TBC1D1: variants seen among roughly 807,000 people sequenced by gnomAD.
TBC1D1 encodes the protein TBC1 domain family member 1.
In TBC1D1, 89 loss-of-function variants were observed where a neutral mutation model predicts 125.6. The ratio of observed to expected loss-of-function variants is 0.71; its 90% CI spans 0.60 to 0.85. The LOEUF (loss-of-function observed/expected upper bound fraction) is 0.85. TBC1D1 is among the 40% of genes least tolerant of loss of function. TBC1D1 has a pLI of 0.00. For missense variants in TBC1D1, 1,377 were observed against 1,469.2 expected, an observed-to-expected ratio of 0.94 and a Z score of 1.03; for synonymous variants, 565 against 564.1, an observed-to-expected ratio of 1.00 and a Z score of -0.02.
intron 15 of TBC1D1, among the ~76,000 whole-genome samples, chr4:38,105,755 C>T (rs1297276386): frequency 6.6e-6 from 1 of 152,150 alleles, no homozygotes; most frequent in Non-Finnish European, 1.5e-5. Context: ...CATGTTGCTG[C>T]AAAGGACATG....
intron 1 of TBC1D1, among the ~76,000 whole-genome samples, chr4:37,899,532 A>G (rs3860064): frequency 0.2 from 29,741 of 151,814 alleles, 3,380 homozygotes; most frequent in Middle Eastern, 0.28. Flanking sequence ...TAAGTGACTG[A>G]AGCTCTCCGG....
chr4:37,925,483 C>T (rs67777605), intron 2 of TBC1D1, among the ~76,000 whole-genome samples: 4,934 of 152,008 alleles, frequency 0.032, 95 homozygotes, highest in Non-Finnish European at 0.044. Flanking sequence ...TTCGGGAGGT[C>T]GAGGTGGGGG....
chr4:37,895,986 G>A (rs1714484200), intron 1 of TBC1D1, among the ~76,000 whole-genome samples: 1 of 152,140 alleles, frequency 6.6e-6, no homozygotes, highest in Admixed American at 6.5e-5. Context: ...CTACTGCATG[G>A]GATTAGAGTA....
At chr4:38,125,186 C>T (rs1764447648) in intron 18 of TBC1D1, 55 bp downstream of exon 20, 1 of 1,545,716 alleles carries the variant, frequency 6.5e-7, no homozygotes, top group Admixed American at 1.7e-5. Context: ...TATGTAGAAA[C>T]TTAAATCTCT....
At chr4:37,896,277 G>A (rs1368760939) in intron 1 of TBC1D1, among the ~76,000 whole-genome samples, 1 of 152,114 alleles carries the variant, frequency 6.6e-6, no homozygotes, top group Non-Finnish European at 1.5e-5. Flanking sequence ...CTGTTGTACT[G>A]TCAGTTACTG....
chr4:37,947,701 A>C (rs566282753), intron 2 of TBC1D1, among the ~76,000 whole-genome samples: 11 of 152,332 alleles, frequency 7.2e-5, no homozygotes, highest in African/African-American at 2.6e-4. Context: ...CTATAAAACT[A>C]TAGAAGACGC....
At chr4:37,969,141 C>T (rs1731581106) in intron 2 of TBC1D1, among the ~76,000 whole-genome samples, 1 of 152,172 alleles carries the variant, frequency 6.6e-6, no homozygotes, top group African/African-American at 2.4e-5. Context: ...TGTGTCCTGT[C>T]CTATTTTGTG....
intron 2 of TBC1D1, among the ~76,000 whole-genome samples, chr4:37,906,392 C>G (rs1717343016): frequency 6.6e-6 from 1 of 152,234 alleles, no homozygotes. Flanking sequence ...AAGTAATCCA[C>G]CTGCCTTGGC....
At chr4:38,039,854 C>G (rs1747999629) in intron 8 of TBC1D1, among the ~76,000 whole-genome samples, 1 of 152,122 alleles carries the variant, frequency 6.6e-6, no homozygotes, top group Non-Finnish European at 1.5e-5. Context: ...TGGCTCACGC[C>G]TGTAATCCTA....
At chr4:37,937,899 A>G (rs542262883) in intron 2 of TBC1D1, among the ~76,000 whole-genome samples, 1 of 152,278 alleles carries the variant, frequency 6.6e-6, no homozygotes, top group South Asian at 2.1e-4. Flanking sequence ...TGCATTAAAT[A>G]TTACTGGGTA....
chr4:37,948,120 G>A (rs964716127), intron 2 of TBC1D1, among the ~76,000 whole-genome samples: 2 of 152,120 alleles, frequency 1.3e-5, no homozygotes, highest in African/African-American at 4.8e-5. Flanking sequence ...TGAACCCCAT[G>A]GTAGGAAAAA....
intron 2 of TBC1D1, among the ~76,000 whole-genome samples, chr4:38,013,420 A>C (rs944997918): frequency 3.9e-5 from 6 of 152,234 alleles, no homozygotes; most frequent in Non-Finnish European, 8.8e-5. Context: ...TGTTGTTAAA[A>C]AGACATAGGG....
chr4:38,002,690 CT>C (rs1165377199), intron 2 of TBC1D1, among the ~76,000 whole-genome samples: 1 of 152,152 alleles, frequency 6.6e-6, no homozygotes, highest in Non-Finnish European at 1.5e-5. Flanking sequence ...GGGAGCTGAC[CT>C]TTATTTAGGT....
chr4:38,137,954 A>G lies in TBC1D1; in HGVS notation c.*619A>G, dbSNP rs2152654449. On this transcript the variant is annotated 3_prime_UTR_variant, in exon 20 of 20. Coordinates refer to ENST00000261439, the MANE Select transcript of TBC1D1 (RefSeq NM_015173.4). ...CGTGGTTCCACTAGATGTAACTTAA[A>G]GGAGTTAACATTTGAGGACTTTGTT... 6.5e-6 allele frequency: 1 copy of G among 152,762 alleles called. No homozygotes were observed. Among genetic ancestry groups the G allele is most frequent in the African/African-American group, 2.4e-5 (1 of 41,574 alleles). The allele number at this position is 152,762 out of a possible 1,614,324, so 9.5% of individuals were successfully genotyped here. A position where few individuals can be genotyped will look rare whatever the true frequency, so the allele number is the denominator to read the frequency against.
chr4:38,098,134 G>A (rs1252126605), intron 14 of TBC1D1, among the ~76,000 whole-genome samples: 1 of 152,220 alleles, frequency 6.6e-6, no homozygotes, highest in Non-Finnish European at 1.5e-5. Flanking sequence ...CTGGGCTCTT[G>A]CCCCCTTACT....
chr4:37,962,449 T>A (rs1374517127), intron 2 of TBC1D1, among the ~76,000 whole-genome samples: 1 of 152,236 alleles, frequency 6.6e-6, no homozygotes, highest in African/African-American at 2.4e-5. Flanking sequence ...TTAATGGATA[T>A]GCAACCTTGG....
At chr4:38,080,970 A>G (rs1376313032) in intron 12 of TBC1D1, among the ~76,000 whole-genome samples, 1 of 152,234 alleles carries the variant, frequency 6.6e-6, no homozygotes, top group Non-Finnish European at 1.5e-5. Flanking sequence ...ATATCTATAT[A>G]TGAAGTATAT....
chr4:38,118,765 G>A (rs919435347), intron 17 of TBC1D1, among the ~76,000 whole-genome samples: 5 of 152,236 alleles, frequency 3.3e-5, no homozygotes, highest in Admixed American at 2.6e-4. Context: ...TTGCCCCTGA[G>A]CCCACATGTC....
chr4:37,913,771 C>T (rs1052193299), intron 2 of TBC1D1, among the ~76,000 whole-genome samples: 7 of 147,874 alleles, frequency 4.7e-5, no homozygotes, highest in African/African-American at 1.8e-4. Context: ...GTTATAGTGG[C>T]TACCTTCACC....
Sources: allele counts gnomAD v4.1 joint callset (sites outside exome capture counted in the v4.1 genomes callset), GRCh38; gene constraint gnomAD v4.1.1; transcripts MANE v1.5; gene names NCBI Gene and HGNC (gene_info 2026-07-23, HGNC 2026-07-21).